CDH7: variants seen among roughly 807,000 people sequenced by gnomAD.
CDH7 encodes the protein cadherin 7.
CDH7 carries 25 observed loss-of-function variants against 71.8 expected under a neutral mutation model. The ratio of observed to expected loss-of-function variants is 0.35; its 90% confidence interval spans 0.25 to 0.49. CDH7 has a LOEUF of 0.49. CDH7 is among the 20% of genes least tolerant of loss of function. CDH7 has a pLI of 0.99. For missense variants in CDH7, 862 were observed against 974.6 expected (o/e 0.88, Z 1.54); for synonymous variants, 381 against 363.8 (o/e 1.05, Z -0.54).
intron 2 of CDH7, among the ~76,000 whole-genome samples, chr18:65,782,149 TCTTTCTTTCTTTCTTC>T (rs1910320887): frequency 8.8e-6 from 1 of 113,972 alleles, no homozygotes; most frequent in East Asian, 2.3e-4. Context: ...TTTCTTTCTT[TCTTTCTTTCTTTCTTC>T]CTTTCTTTCT....
At chr18:65,756,218 T>G (rs12967011) in intron 1 of CDH7, among the ~76,000 whole-genome samples, 55,417 of 151,932 alleles carry the variant, frequency 0.36, 10,657 homozygotes, top group Middle Eastern at 0.48. Flanking sequence ...AGCTCAACAA[T>G]ATTTTTTCTA....
rs17075450 is a variant in CDH7, at chr18:65,887,581, T to G, written c.*6687T>G. 6.6e-6 allele frequency: 1 copy of G among 152,108 alleles called. No homozygotes were observed. Among genetic ancestry groups the G allele is most frequent in the Non-Finnish European group, 1.5e-5 (1 of 68,036 alleles). The allele number at this position is 152,108 out of a possible 1,614,324, so 9.4% of individuals were successfully genotyped here. ...TATATTATGTATTTGTCTTTGAATT[T>G]TGTGTGCGTATGTGTGTGTGTATAT... is the stretch of plus-strand genomic sequence containing the variant. On this transcript the variant is annotated 3_prime_UTR_variant, in exon 12 of 12. Transcript: ENST00000397968.
chr18:65,853,722 C>A (rs1913228086), intron 7 of CDH7, among the ~76,000 whole-genome samples: 1 of 151,346 alleles, frequency 6.6e-6, no homozygotes, highest in African/African-American at 2.4e-5. Flanking sequence ...GCAAACATGC[C>A]CTGACCTCCT....
intron 2 of CDH7, among the ~76,000 whole-genome samples, chr18:65,775,063 TAAGATGGA>T (rs1183976965): frequency 3.3e-5 from 5 of 152,098 alleles, no homozygotes; most frequent in African/African-American, 1.2e-4. Context: ...TTTAGAAAAG[TAAGATGGA>T]AAGATGGAAG....
chr18:65,786,415 C>G (rs1198957261), intron 2 of CDH7, among the ~76,000 whole-genome samples: 1 of 152,076 alleles, frequency 6.6e-6, no homozygotes, highest in African/African-American at 2.4e-5. Context: ...ACAACCGCCC[C>G]CCCAGTTCTT....
intron 11 of CDH7, among the ~76,000 whole-genome samples, chr18:65,873,730 CATAA>C (rs1255556506): frequency 1.3e-5 from 2 of 152,074 alleles, no homozygotes; most frequent in African/African-American, 4.8e-5. Flanking sequence ...GATGATTGTT[CATAA>C]GAGACCATAT....
chr18:65,768,761 T>G (rs1256540645), intron 2 of CDH7, among the ~76,000 whole-genome samples: 1 of 152,126 alleles, frequency 6.6e-6, no homozygotes, highest in Non-Finnish European at 1.5e-5. Flanking sequence ...AGGCAAGGAC[T>G]ATATTGGGAG....
At chr18:65,855,331 CG>C (rs1272771764) in intron 7 of CDH7, among the ~76,000 whole-genome samples, 55 of 144,938 alleles carry the variant, frequency 3.8e-4, no homozygotes, top group Non-Finnish European at 7.9e-4. Context: ...TATTGATAAA[CG>C]TCTACCAACA....
chr18:65,762,283 T>C (rs1294255472), intron 1 of CDH7, among the ~76,000 whole-genome samples: 1 of 152,118 alleles, frequency 6.6e-6, no homozygotes, highest in East Asian at 1.9e-4. Flanking sequence ...AAAATCACTG[T>C]AATATAAAAG....
At chr18:65,824,232 T>G (rs1326325003) in intron 5 of CDH7, among the ~76,000 whole-genome samples, 1 of 151,812 alleles carries the variant, frequency 6.6e-6, no homozygotes, top group Admixed American at 6.6e-5. Flanking sequence ...GGCTTGTATT[T>G]GTCCATTTCA....
intron 1 of CDH7, among the ~76,000 whole-genome samples, chr18:65,753,955 T>C (rs1280807932): frequency 2.0e-5 from 3 of 152,228 alleles, no homozygotes; most frequent in Admixed American, 2.0e-4. Flanking sequence ...CTGCTGACTT[T>C]TATTGAAGTC....
intron 6 of CDH7, among the ~76,000 whole-genome samples, chr18:65,826,771 A>G (rs1053882164): frequency 6.6e-6 from 1 of 151,576 alleles, no homozygotes; most frequent in Non-Finnish European, 1.5e-5. Context: ...AAAAAATCTC[A>G]TTAAAAACAC....
At chr18:65,768,366 C>G (rs1380872170) in intron 2 of CDH7, among the ~76,000 whole-genome samples, 2 of 152,078 alleles carry the variant, frequency 1.3e-5, no homozygotes, top group Non-Finnish European at 2.9e-5. Flanking sequence ...TCCCCAGTAT[C>G]TGGGACTACA....
chr18:65,782,578 T>G (rs1910353777), intron 2 of CDH7, among the ~76,000 whole-genome samples: 1 of 152,168 alleles, frequency 6.6e-6, no homozygotes, highest in African/African-American at 2.4e-5. Context: ...TGATAGTTAT[T>G]TCTATGCAGA....
chr18:65,824,773 G>A lies in CDH7; in HGVS notation c.923G>A (p.Gly308Asp). 1 of 1,612,330 alleles carries A rather than the reference G, an allele frequency of 6.2e-7. No homozygotes were observed. Among genetic ancestry groups the A allele is most frequent in the African/African-American group, 1.3e-5 (1 of 74,936 alleles). ...AAGATTGTGGATGGTGATGGTTTGG[G>A]CATTTTTAAGATTTCTGTTGACAAA... ...EYKIVDGDGL[G>D]IFKISVDKET... The change falls in exon 6 of 12, where the codon GGC (glycine) becomes GAC (aspartate). Residue 308 changes from glycine (G) to aspartate (D), a missense_variant. By Grantham distance (94) the Gly-to-Asp change is moderately conservative (BLOSUM62 -1). Transcript: ENST00000397968.
chr18:65,759,004 G>T (rs529703000), intron 1 of CDH7, among the ~76,000 whole-genome samples: 1 of 152,218 alleles, frequency 6.6e-6, no homozygotes, highest in South Asian at 2.1e-4. Flanking sequence ...TCCCTTCACA[G>T]ACATTATTTC....
chr18:65,867,457 T>C (rs1248721865), intron 11 of CDH7, among the ~76,000 whole-genome samples: 3 of 152,166 alleles, frequency 2.0e-5, no homozygotes, highest in Non-Finnish European at 4.4e-5. Flanking sequence ...TCCACCAGGC[T>C]AAAAACACTT....
chr18:65,761,547 A>AG (rs1916192842), intron 1 of CDH7, among the ~76,000 whole-genome samples: 1 of 151,816 alleles, frequency 6.6e-6, no homozygotes, highest in South Asian at 2.1e-4. Context: ...AAAAAAAAAA[A>AG]AAAACAGAAA....
intron 11 of CDH7, among the ~76,000 whole-genome samples, chr18:65,875,737 G>T (rs777025553): frequency 3.6e-4 from 54 of 152,102 alleles, no homozygotes; most frequent in Admixed American, 6.5e-4. Flanking sequence ...AGGAGTTCGA[G>T]ACCAGCCTGG....
Sources: gnomAD v4.1 joint callset for allele counts (sites outside exome capture counted in the v4.1 genomes callset) on GRCh38, gnomAD v4.1.1 for gene constraint, MANE v1.5 for transcripts, NCBI Gene and HGNC (gene_info 2026-07-23, HGNC 2026-07-21) for gene names.